Variants in KCNIP1 observed in about 807,000 individuals in gnomAD.
The protein encoded by KCNIP1 is A-type potassium channel modulatory protein KCNIP1.
A neutral mutation model predicts 33.0 loss-of-function variants in KCNIP1; 18 were observed. The ratio of observed to expected loss-of-function variants is 0.55; its 90% CI spans 0.38 to 0.81. The LOEUF is 0.81. Ranked by LOEUF, KCNIP1 falls within the 30% of genes least tolerant of loss-of-function variation. The pLI, the probability that KCNIP1 is intolerant of heterozygous loss-of-function variation, is 0.00. For synonymous variants in KCNIP1, 93 were observed against 98.3 expected, an observed-to-expected ratio of 0.95 and a Z score of 0.32; for missense variants, 238 against 271.6, an observed-to-expected ratio of 0.88 and a Z score of 0.87.
intron 1 of KCNIP1, among the ~76,000 whole-genome samples, chr5:170,633,199 C>T (rs953978077): frequency 1.3e-5 from 2 of 151,930 alleles, no homozygotes; most frequent in African/African-American, 4.8e-5. Flanking sequence ...ACCTGGCGTC[C>T]AGAAGAGGTA....
chr5:170,723,972 G>C (rs1345133646), intron 5 of KCNIP1, among the ~76,000 whole-genome samples: 1 of 152,204 alleles, frequency 6.6e-6, no homozygotes, highest in Non-Finnish European at 1.5e-5. Flanking sequence ...GACTAGTGCA[G>C]GATGAGCCTG....
chr5:170,546,779 A>G lies in KCNIP1; in HGVS notation c.61+42146A>G, dbSNP rs1454716609. 1.3e-5 allele frequency among the ~76,000 whole-genome samples: 2 copies of G among 152,202 alleles called. 1 individual carries two copies. The highest frequency in any genetic ancestry group is 1.3e-4 in the Admixed American group (2 of 15,282). Reference sequence around the variant, plus strand: ...ACCTTATCTTGTTATTTTTAAGTCAACAAATTAGACATTATTATTATTAAT... The same window carrying G: ...ACCTTATCTTGTTATTTTTAAGTCAGCAAATTAGACATTATTATTATTAAT... On this transcript the variant is annotated intron_variant, in intron 1 of 7. Transcript: ENST00000328939.
At chr5:170,510,214 G>T (rs1485794238) in intron 1 of KCNIP1, among the ~76,000 whole-genome samples, 1 of 152,194 alleles carries the variant, frequency 6.6e-6, no homozygotes, top group African/African-American at 2.4e-5. Context: ...AGCTGCTGCT[G>T]CTTCCCTTAA....
chr5:170,729,199 A>G (rs990714666), intron 5 of KCNIP1, among the ~76,000 whole-genome samples: 1 of 152,096 alleles, frequency 6.6e-6, no homozygotes, highest in African/African-American at 2.4e-5. Context: ...CAAAGAATGG[A>G]AAAAGCATAA....
At chr5:170,428,109 C>A (rs1483091412) in intron 1 of KCNIP1, among the ~76,000 whole-genome samples, 1 of 152,178 alleles carries the variant, frequency 6.6e-6, no homozygotes, top group African/African-American at 2.4e-5. Context: ...GTGGGTGTGT[C>A]CCAGGGACAA....
rs115546890 is a variant in KCNIP1 at position 170,398,145 on chromosome 5, G to T, written c.88+44181G>T. Among the ~76,000 whole-genome samples, 606 of 152,304 alleles carry T rather than the reference G, an allele frequency of 4.0e-3. 2 individuals are homozygous for T. Among genetic ancestry groups the T allele is most frequent in the African/African-American group, 0.014 (564 of 41,548 alleles). ...AATCCAAAAGGGAGGAGGGCATAATGAGGCATATCTGGACCCCTCTTTCCA... is the reference window on the plus strand; with the variant it reads ...AATCCAAAAGGGAGGAGGGCATAATTAGGCATATCTGGACCCCTCTTTCCA... On this transcript the variant is annotated intron_variant, in intron 1 of 7. Coordinates refer to the KCNIP1 transcript ENST00000377360.
chr5:170,417,605 G>GT (rs1164568792), intron 1 of KCNIP1, among the ~76,000 whole-genome samples: 1 of 152,112 alleles, frequency 6.6e-6, no homozygotes, highest in Non-Finnish European at 1.5e-5. Context: ...CCCTCTTGTC[G>GT]TCTGGGTTCT....
At chr5:170,693,441 G>T (rs890065236) in intron 1 of KCNIP1, among the ~76,000 whole-genome samples, 1 of 152,146 alleles carries the variant, frequency 6.6e-6, no homozygotes, top group African/African-American at 2.4e-5. Context: ...TCTAATCCTC[G>T]TGAAGACCCT....
chr5:170,534,816 C>G (rs1332381851), intron 1 of KCNIP1, among the ~76,000 whole-genome samples: 1 of 149,636 alleles, frequency 6.7e-6, no homozygotes, highest in Non-Finnish European at 1.5e-5. Flanking sequence ...GCTACCATAC[C>G]ATGCCCGGCA....
chr5:170,689,624 T>G (rs186392413), intron 1 of KCNIP1, among the ~76,000 whole-genome samples: 4 of 152,254 alleles, frequency 2.6e-5, no homozygotes, highest in Non-Finnish European at 5.9e-5. Flanking sequence ...AAATGGGTTT[T>G]GAAGGATGTA....
intron 1 of KCNIP1, among the ~76,000 whole-genome samples, chr5:170,426,919 G>A (rs1755627978): frequency 6.6e-6 from 1 of 152,238 alleles, no homozygotes; most frequent in Non-Finnish European, 1.5e-5. Flanking sequence ...CAGCCTTTGC[G>A]TGGCCACAGG....
intron 1 of KCNIP1, among the ~76,000 whole-genome samples, chr5:170,715,622 A>G (rs1175636413): frequency 6.6e-6 from 1 of 152,208 alleles, no homozygotes; most frequent in African/African-American, 2.4e-5. Flanking sequence ...GCGCAGGGCA[A>G]TGGTCCCCTC....
intron 1 of KCNIP1, among the ~76,000 whole-genome samples, chr5:170,535,871 G>C (rs1048016134): frequency 2.0e-5 from 3 of 152,194 alleles, no homozygotes; most frequent in Non-Finnish European, 4.4e-5. Context: ...GGTGTGAACT[G>C]CCCTCCGCCT....
chr5:170,643,146 C>G (rs1760643941), intron 1 of KCNIP1, among the ~76,000 whole-genome samples: 1 of 152,164 alleles, frequency 6.6e-6, no homozygotes, highest in Non-Finnish European at 1.5e-5. Flanking sequence ...GAGGGGGAAA[C>G]ATGATGATGA....
At chr5:170,471,337 C>T (rs1756721563) in intron 1 of KCNIP1, among the ~76,000 whole-genome samples, 1 of 152,120 alleles carries the variant, frequency 6.6e-6, no homozygotes, top group African/African-American at 2.4e-5. Flanking sequence ...TAAACAACAC[C>T]CTCCCCAGTC....
intron 1 of KCNIP1, among the ~76,000 whole-genome samples, chr5:170,626,426 C>G (rs141612839): frequency 6.6e-6 from 1 of 152,138 alleles, no homozygotes; most frequent in Non-Finnish European, 1.5e-5. Flanking sequence ...AGTCTGCCCC[C>G]CTCCCATGGC....
intron 1 of KCNIP1, among the ~76,000 whole-genome samples, chr5:170,411,578 T>C (rs1395139405): frequency 6.6e-6 from 1 of 152,188 alleles, no homozygotes; most frequent in Non-Finnish European, 1.5e-5. Context: ...AATGCTACAC[T>C]AAGGAATTTG....
chr5:170,413,176 A>AC (rs1429588640), intron 1 of KCNIP1, among the ~76,000 whole-genome samples: 3 of 152,188 alleles, frequency 2.0e-5, no homozygotes, highest in African/African-American at 7.2e-5. Flanking sequence ...CAGAGAGCAG[A>AC]CCAAGGCAGG....
chr5:170,426,590 C>A (rs1755620456), intron 1 of KCNIP1, among the ~76,000 whole-genome samples: 1 of 152,266 alleles, frequency 6.6e-6, no homozygotes, highest in South Asian at 2.1e-4. Context: ...TCAGCCGCAT[C>A]TAGCACTAGG....
Sources: allele counts gnomAD v4.1 joint callset (sites outside exome capture counted in the v4.1 genomes callset), GRCh38; gene constraint gnomAD v4.1.1; transcripts MANE v1.5; gene names NCBI Gene and HGNC (gene_info 2026-07-23, HGNC 2026-07-21).